The following ARHGAP26 variants were observed in gnomAD, a reference collection of about 807,000 sequenced individuals.
ARHGAP26 encodes the protein rho GTPase-activating protein 26.
ARHGAP26 carries 38 observed loss-of-function variants against 104.8 expected under a neutral mutation model. That is an observed-to-expected ratio of 0.36 (90% CI 0.28 to 0.48). ARHGAP26 has a LOEUF of 0.48. ARHGAP26 is among the 20% of genes least tolerant of loss of function. The pLI, the probability that ARHGAP26 is intolerant of heterozygous loss-of-function variation, is 0.99. For synonymous variants in ARHGAP26, 341 were observed against 340.0 expected (o/e 1.00, Z -0.03); for missense variants, 704 against 947.9 (o/e 0.74, Z 3.38).
chr5:142,916,496 T>C (rs1204452418), intron 10 of ARHGAP26, among the ~76,000 whole-genome samples: 2 of 152,246 alleles, frequency 1.3e-5, no homozygotes, highest in African/African-American at 4.8e-5. Context: ...TCAAGCTTTT[T>C]AGTTGTCCTT....
Position 143,163,129 on chromosome 5 carries a change from A to AAAGAAT in ARHGAP26, c.1988+15752_1988+15753insATAAGA, listed in dbSNP as rs370918266. On this transcript the variant is annotated intron_variant, in intron 20 of 22. Transcript: ENST00000645722. ...GACCTCATCTTAAAAAGAAAAAGAA[A>AAAGAAT]AAGACACTATTCGAGGCACTGTGAA... Among the ~76,000 whole-genome samples, 1,036 of 152,204 alleles carry AAAGAAT rather than the reference A, an allele frequency of 6.8e-3. 11 individuals are homozygous for AAAGAAT. The highest frequency in any genetic ancestry group is 0.023 in the African/African-American group (942 of 41,522).
At chr5:142,948,363 G>GTA (rs1020703991) in intron 11 of ARHGAP26, among the ~76,000 whole-genome samples, 16 of 151,356 alleles carry the variant, frequency 1.1e-4, no homozygotes, top group Admixed American at 4.6e-4. Context: ...ATGTGAATAT[G>GTA]TATATATATA....
Position 143,109,913 on chromosome 5 carries a change from C to A in ARHGAP26, c.1539-11075C>A, listed in dbSNP as rs531055165. ...AGAACAAAGCTTTTACAGTGGCCTGCAAAGTTTTCCAGGATTTGCCACCCT... is the reference window on the plus strand; with the variant it reads ...AGAACAAAGCTTTTACAGTGGCCTGAAAAGTTTTCCAGGATTTGCCACCCT... On this transcript the variant is annotated intron_variant, in intron 17 of 22. Transcript: ENST00000645722. Among the ~76,000 whole-genome samples, 221 of 152,306 alleles carry A rather than the reference C, an allele frequency of 1.5e-3. 1 individual carries two copies. Among genetic ancestry groups the A allele is most frequent in the Non-Finnish European group, 2.1e-3 (140 of 68,008 alleles).
chr5:142,868,884 G>GCCA (rs1754790997), intron 1 of ARHGAP26: 4 of 152,546 alleles, frequency 2.6e-5, no homozygotes, highest in African/African-American at 7.2e-5. Context: ...TATTCCACCT[G>GCCA]TAAGCCAGCT....
intron 1 of ARHGAP26, among the ~76,000 whole-genome samples, chr5:142,773,656 G>A (rs564658949): frequency 1.3e-5 from 2 of 152,236 alleles, no homozygotes; most frequent in Non-Finnish European, 2.9e-5. Context: ...ATTATCCTCT[G>A]AAGTTTTGGA....
intron 17 of ARHGAP26, among the ~76,000 whole-genome samples, chr5:143,059,646 A>C (rs796209369): frequency 3.9e-5 from 6 of 152,212 alleles, no homozygotes; most frequent in African/African-American, 1.4e-4. Context: ...CACAGTTGTG[A>C]CCTTGACACA....
chr5:142,777,653 C>T (rs1376570146), intron 1 of ARHGAP26, among the ~76,000 whole-genome samples: 1 of 152,066 alleles, frequency 6.6e-6, no homozygotes, highest in Non-Finnish European at 1.5e-5. Flanking sequence ...ATACGGAGAC[C>T]CTGCTCTGCC....
At chr5:143,126,373 T>TA (rs776860662) in intron 18 of ARHGAP26, among the ~76,000 whole-genome samples, 4 of 152,200 alleles carry the variant, frequency 2.6e-5, no homozygotes, top group Non-Finnish European at 5.9e-5. Flanking sequence ...CTGAAAACTA[T>TA]AGGAAAAGGT....
At chr5:143,107,265 G>A (rs926222649) in intron 17 of ARHGAP26, among the ~76,000 whole-genome samples, 2 of 152,196 alleles carry the variant, frequency 1.3e-5, no homozygotes, top group Non-Finnish European at 2.9e-5. Context: ...GGAGGGGTCA[G>A]TAGGCAGGGG....
At chr5:143,216,919 C>G (rs1599562898) in intron 22 of ARHGAP26, 1 of 152,528 alleles carries the variant, frequency 6.6e-6, no homozygotes, top group East Asian at 1.9e-4. Context: ...GACCCTCTTC[C>G]TCCCCACTCC....
intron 17 of ARHGAP26, among the ~76,000 whole-genome samples, chr5:143,105,223 A>G (rs1793819106): frequency 6.6e-6 from 1 of 151,998 alleles, no homozygotes; most frequent in Non-Finnish European, 1.5e-5. Context: ...TAAAAATACA[A>G]AAAATTAGCT....
Position 142,813,097 on chromosome 5 carries a change from C to T in ARHGAP26, c.154+42182C>T, listed in dbSNP as rs180988447. Among the ~76,000 whole-genome samples, 27 of 152,066 alleles carry T rather than the reference C, an allele frequency of 1.8e-4. 1 individual carries two copies. The highest frequency in any genetic ancestry group is 6.2e-4 in the South Asian group (3 of 4,812). On this transcript the variant is annotated intron_variant, in intron 1 of 22. Coordinates refer to ENST00000645722, the MANE Select transcript of ARHGAP26 (RefSeq NM_001135608.3). Reference sequence around the variant, plus strand: ...GGACTGTAGGTGCCGGCTACCATGCCCGGCTAACTTTTTTTGTAGTTTTTT... The same window carrying T: ...GGACTGTAGGTGCCGGCTACCATGCTCGGCTAACTTTTTTTGTAGTTTTTT...
At chr5:142,771,536 T>C (rs187573537) in intron 1 of ARHGAP26, among the ~76,000 whole-genome samples, 43 of 152,284 alleles carry the variant, frequency 2.8e-4, no homozygotes, top group Admixed American at 1.9e-3. Context: ...GATTCTTGTG[T>C]TTAGCAGAAG....
At position 143,207,183 on chromosome 5, in the gene ARHGAP26, T is replaced by C; in HGVS notation, c.1989-15T>C. 6.2e-7 allele frequency: 1 copy of C among 1,610,240 alleles called. No homozygotes were observed. Among genetic ancestry groups the C allele is most frequent in the East Asian group, 2.2e-5 (1 of 44,830 alleles). On this transcript the variant is annotated splice_polypyrimidine_tract_variant and intron_variant, in intron 20 of 22. Coordinates refer to ENST00000645722, the MANE Select transcript of ARHGAP26 (RefSeq NM_001135608.3). ...CCTGTGTGCTGACAAGTTTTCTGGT[T>C]GTTATGTCTTGCAGCCCCCCGAATC...
intron 11 of ARHGAP26, among the ~76,000 whole-genome samples, chr5:143,009,829 T>C (rs1399950720): frequency 6.6e-6 from 1 of 152,172 alleles, no homozygotes; most frequent in Non-Finnish European, 1.5e-5. Context: ...CAGATAGAGC[T>C]TAGCTTCAGT....
chr5:143,000,963 G>C (rs927564427), intron 11 of ARHGAP26, among the ~76,000 whole-genome samples: 1 of 152,004 alleles, frequency 6.6e-6, no homozygotes, highest in African/African-American at 2.4e-5. Context: ...GTGGATAGGT[G>C]CAGCAAACTA....
At chr5:142,983,666 G>A (rs980518676) in intron 11 of ARHGAP26, among the ~76,000 whole-genome samples, 2 of 152,142 alleles carry the variant, frequency 1.3e-5, no homozygotes, top group African/African-American at 4.8e-5. Flanking sequence ...GAATAACATA[G>A]AGTAACAAAC....
chr5:142,801,766 T>C (rs1329779574), intron 1 of ARHGAP26, among the ~76,000 whole-genome samples: 1 of 151,768 alleles, frequency 6.6e-6, no homozygotes, highest in Non-Finnish European at 1.5e-5. Flanking sequence ...TTGCAAGGAA[T>C]AGGGACGAAA....
Position 143,137,089 on chromosome 5 carries a change from A to G in ARHGAP26, c.1837+2984A>G, listed in dbSNP as rs573150855. 2.0e-5 allele frequency among the ~76,000 whole-genome samples: 3 copies of G among 152,266 alleles called. No homozygotes were observed. The East Asian group carries it at 5.8e-4, about 29-fold the overall frequency. On this transcript the variant is annotated intron_variant, in intron 19 of 22. Coordinates refer to ENST00000645722, the MANE Select transcript of ARHGAP26 (RefSeq NM_001135608.3). ...GCAACTCACTTCTTTCCCTGGCTTC[A>G]TCCTGATACATAAGACCTCTAAGAA...
Sources: gnomAD v4.1 joint callset for allele counts (sites outside exome capture counted in the v4.1 genomes callset) on GRCh38, gnomAD v4.1.1 for gene constraint, MANE v1.5 for transcripts, NCBI Gene and HGNC (gene_info 2026-07-23, HGNC 2026-07-21) for gene names.